The following LRTM3 variants were observed in gnomAD, a reference collection of about 807,000 sequenced individuals.
LRTM3 encodes leucine-rich repeat transmembrane protein 3.
At chr13:102,737,519 C>T in the LRTM3 span, 1 of 1,550,338 alleles carries the variant, frequency 6.5e-7, no homozygotes, top group South Asian at 1.2e-5. Context: ...TTGCTCCTCA[C>T]CTTCTCCGTC....
chr13:102,732,993 G>T, the LRTM3 span: 2 of 1,551,418 alleles, frequency 1.3e-6, no homozygotes. Context: ...AGCAATGCCT[G>T]CTTCCTTCCC....
the LRTM3 span, chr13:102,739,926 C>G: frequency 3.2e-6 from 5 of 1,550,360 alleles, no homozygotes; most frequent in Non-Finnish European, 4.4e-6. Context: ...GCACCACAGT[C>G]ACTGGTATTG....
chr13:102,734,026 C>T, the LRTM3 span: 55 of 1,551,246 alleles, frequency 3.5e-5, no homozygotes, highest in African/African-American at 4.4e-4. Context: ...GAGGTGCTGA[C>T]GGTATAGAAA....
At chr13:102,732,999 T>G in the LRTM3 span, 1 of 1,551,476 alleles carries the variant, frequency 6.4e-7, no homozygotes, top group Admixed American at 2.0e-5. Flanking sequence ...GCCTGCTTCC[T>G]TCCCCCTTTT....
the LRTM3 span, chr13:102,748,931 T>C: frequency 6.4e-7 from 1 of 1,550,650 alleles, no homozygotes; most frequent in East Asian, 2.4e-5. Flanking sequence ...ACCTGCATAA[T>C]TGATTTTCTC....
the LRTM3 span, chr13:102,739,387 A>C: frequency 6.4e-7 from 1 of 1,550,478 alleles, no homozygotes; most frequent in Non-Finnish European, 8.7e-7. Context: ...TTGACTCTGC[A>C]GATGATACTC....
At chr13:102,731,206 T>A in the LRTM3 span, 1 of 1,551,354 alleles carries the variant, frequency 6.4e-7, no homozygotes, top group Non-Finnish European at 8.7e-7. Flanking sequence ...CAACAATCAG[T>A]GTCTTCATAT....
the LRTM3 span, chr13:102,741,008 G>A: frequency 6.5e-7 from 1 of 1,550,160 alleles, no homozygotes; most frequent in Non-Finnish European, 8.7e-7. Flanking sequence ...TTCATGTGAT[G>A]CTTTCTCTAC....
chr13:102,744,488 A>G, the LRTM3 span: 354 of 1,550,678 alleles, frequency 2.3e-4, 2 homozygotes, highest in East Asian at 6.2e-3. Context: ...CATACATTTT[A>G]TTCCTTCTTG....
chr13:102,737,615 C>T, the LRTM3 span: 1 of 1,550,258 alleles, frequency 6.5e-7, no homozygotes. Context: ...TGCCTTCTTT[C>T]CTTTCAGATC....
chr13:102,730,245 C>T, the LRTM3 span: 1 of 1,551,268 alleles, frequency 6.4e-7, no homozygotes, highest in South Asian at 1.2e-5. Flanking sequence ...AAAGGAATGC[C>T]TGTCTGTAAT....
the LRTM3 span, chr13:102,741,348 C>T: frequency 1.3e-6 from 2 of 1,549,226 alleles, no homozygotes; most frequent in African/African-American, 2.7e-5. Context: ...GATTCAGAAT[C>T]CAGAATACTT....
the LRTM3 span, among the ~76,000 whole-genome samples, chr13:102,751,751 G>T: frequency 6.6e-6 from 1 of 152,112 alleles, no homozygotes; most frequent in Non-Finnish European, 1.5e-5. Flanking sequence ...AATCCATCAT[G>T]ATCTACCCAA....
At chr13:102,758,657 G>T in the LRTM3 span, 1 of 1,511,870 alleles carries the variant, frequency 6.6e-7, no homozygotes, top group Non-Finnish European at 8.9e-7. Context: ...TCTTATGTCT[G>T]ATTTTGAAAA....
the LRTM3 span, chr13:102,747,321 G>A: frequency 6.5e-7 from 1 of 1,549,820 alleles, no homozygotes. Context: ...TGCAGTATCT[G>A]TTTAATTATA....
At chr13:102,742,725 T>C in the LRTM3 span, 16 of 1,550,712 alleles carry the variant, frequency 1.0e-5, no homozygotes, top group East Asian at 3.7e-4. Context: ...GGACTTGACC[T>C]GTCAGCCATT....
the LRTM3 span, chr13:102,746,635 T>C: frequency 4.5e-6 from 7 of 1,551,132 alleles, no homozygotes; most frequent in African/African-American, 9.6e-5. Flanking sequence ...TGAGTGCAAA[T>C]GTTACTCTCT....
At chr13:102,746,743 T>G in the LRTM3 span, 1 of 1,551,084 alleles carries the variant, frequency 6.4e-7, no homozygotes, top group African/African-American at 1.4e-5. Flanking sequence ...TCTTTTCTTC[T>G]GCAAAACAGT....
chr13:102,755,953 A>ATT, the LRTM3 span, among the ~76,000 whole-genome samples: 29 of 32,586 alleles, frequency 8.9e-4, no homozygotes, highest in Middle Eastern at 0.037. Context: ...ATATATATAT[A>ATT]TATATATATT....
Sources: allele counts gnomAD v4.1 joint callset (sites outside exome capture counted in the v4.1 genomes callset), GRCh38; gene constraint gnomAD v4.1.1; transcripts MANE v1.5; gene names NCBI Gene and HGNC (gene_info 2026-07-23, HGNC 2026-07-21).